The following ZEB1 variants were observed in gnomAD, a reference collection of about 807,000 sequenced individuals.
ZEB1 encodes the protein zinc finger E-box binding homeobox 1, also known as zinc finger E-box-binding homeobox 1.
A neutral mutation model predicts 84.9 loss-of-function variants in ZEB1; 21 were observed. The observed-to-expected ratio is 0.25, with a 90% CI of 0.18 to 0.36. The LOEUF (loss-of-function observed/expected upper bound fraction) is 0.36, where lower values mean the gene tolerates loss of function less well. Among genes scored for constraint, ZEB1 ranks in the 10% least tolerant of loss-of-function variants. The pLI, the probability that ZEB1 is intolerant of heterozygous loss-of-function variation, is 1.00. For synonymous variants in ZEB1, 420 were observed against 471.1 expected (o/e 0.89, Z 1.41); for missense variants, 1,104 against 1,330.2 (o/e 0.83, Z 2.65).
At position 31,520,361 on chromosome 10, in the gene ZEB1, T is replaced by C; in HGVS notation, c.1029T>C (p.Ser343=). 1 of 1,613,982 alleles carries C rather than the reference T, an allele frequency of 6.2e-7. No homozygotes were observed. Among genetic ancestry groups the C allele is most frequent in the Non-Finnish European group, 8.5e-7 (1 of 1,179,948 alleles). ...ATAAACCCCTTCAAGAACAACTTTC[T>C]GTTAACCAAATTAAAACTGAACCTG... ...IENKPLQEQL[S]VNQIKTEPVD... Residue 343 remains serine, a synonymous_variant, in exon 7 of 9, where the codon TCT becomes TCC. Coordinates refer to ENST00000424869, the MANE Select transcript of ZEB1 (RefSeq NM_001174096.2). The surrounding 1 kb of genome is among the most constrained non-coding windows in gnomAD (Gnocchi z 5.1).
intron 4 of ZEB1, among the ~76,000 whole-genome samples, chr10:31,507,482 T>A (rs543894313): frequency 7.4e-4 from 113 of 152,258 alleles, no homozygotes; most frequent in South Asian, 1.7e-3. Context: ...AATATTTGGT[T>A]ACTTTATAGT....
intron 1 of ZEB1, among the ~76,000 whole-genome samples, chr10:31,416,172 A>G (rs945948209): frequency 1.3e-5 from 2 of 152,078 alleles, no homozygotes; most frequent in Admixed American, 1.3e-4. Flanking sequence ...TATAGTTACA[A>G]AGACTATCGT....
At chr10:31,348,641 T>C (rs1209997190) in intron 1 of ZEB1, among the ~76,000 whole-genome samples, 2 of 152,086 alleles carry the variant, frequency 1.3e-5, no homozygotes, top group South Asian at 4.2e-4. Flanking sequence ...GACTTAGGGA[T>C]TTTCAAACCA....
At chr10:31,437,757 T>C (rs188829569) in intron 1 of ZEB1, among the ~76,000 whole-genome samples, 35 of 152,316 alleles carry the variant, frequency 2.3e-4, no homozygotes, top group African/African-American at 7.0e-4. Context: ...TCTTTTCACT[T>C]TTCCTATGAT....
intron 5 of ZEB1, among the ~76,000 whole-genome samples, chr10:31,513,130 C>T (rs931475707): frequency 2.0e-5 from 3 of 152,096 alleles, no homozygotes; most frequent in East Asian, 1.9e-4. Flanking sequence ...GAGACAAGAA[C>T]GGAAGCAGGG....
At chr10:31,428,108 G>C (rs1172422518) in intron 1 of ZEB1, among the ~76,000 whole-genome samples, 1 of 151,872 alleles carries the variant, frequency 6.6e-6, no homozygotes, top group African/African-American at 2.4e-5. Context: ...TCTTTTGCTA[G>C]CTTTGGGATT....
intron 1 of ZEB1, among the ~76,000 whole-genome samples, chr10:31,328,938 G>A (rs1028306563): frequency 2.0e-5 from 3 of 152,054 alleles, no homozygotes; most frequent in Non-Finnish European, 2.9e-5. Flanking sequence ...CTGTCTTACT[G>A]TGTTCCTATG....
intron 2 of ZEB1, among the ~76,000 whole-genome samples, chr10:31,479,839 TTAAAAA>T (rs2064804208): frequency 6.6e-6 from 1 of 151,960 alleles, no homozygotes; most frequent in Non-Finnish European, 1.5e-5. Context: ...ATGTTTGTTA[TTAAAAA>T]TAAAATTTAT....
At chr10:31,320,282 C>G (rs1047234467) in intron 1 of ZEB1, 1 of 152,288 alleles carries the variant, frequency 6.6e-6, no homozygotes, top group Non-Finnish European at 1.5e-5. Flanking sequence ...GGAGTTGTTA[C>G]CTGGGCTTAG....
chr10:31,516,539 TAAAAAAAAAAAAAAAAAAA>T lies in ZEB1; in HGVS notation c.793+1852_793+1870del, dbSNP rs71027029. On this transcript the variant is annotated intron_variant, in intron 6 of 8. Transcript: ENST00000424869. Reference sequence around the variant, plus strand: ...AACCAAGACCCAGGGTGTCTGTAAGTAAAAAAAAAAAAAAAAAAAAAAAAAAAAAAAAAAAAAAATCAGT... The same window carrying T: ...AACCAAGACCCAGGGTGTCTGTAAGTAAAAAAAAAAAAAAAAAAAATCAGT... 1.1e-3 allele frequency among the ~76,000 whole-genome samples: 39 copies of T among 34,030 alleles called. 1 individual carries two copies. The highest frequency in any genetic ancestry group is 2.5e-3 in the South Asian group (1 of 406). The allele number at this position is 34,030 out of a possible 152,430, so 22.3% of individuals were successfully genotyped here.
intron 1 of ZEB1, among the ~76,000 whole-genome samples, chr10:31,442,318 A>G (rs1384347199): frequency 6.6e-6 from 1 of 152,154 alleles, no homozygotes; most frequent in African/African-American, 2.4e-5. Flanking sequence ...ACAAAAAACC[A>G]AACACTGTAC....
At chr10:31,414,358 G>C (rs1475145997) in intron 1 of ZEB1, among the ~76,000 whole-genome samples, 1 of 152,132 alleles carries the variant, frequency 6.6e-6, no homozygotes, top group Non-Finnish European at 1.5e-5. Flanking sequence ...TTTTTGGTTT[G>C]TATGTATACA....
chr10:31,360,828 C>A, intron 1 of ZEB1: 1 of 724,288 alleles, frequency 1.4e-6, no homozygotes, highest in Non-Finnish European at 2.4e-6. Flanking sequence ...TAAAATCTCA[C>A]AGAGTTCTCA....
rs565025524 is a variant in ZEB1, at chr10:31,462,851, C to T, written c.259+1614C>T. 7.9e-5 allele frequency among the ~76,000 whole-genome samples: 12 copies of T among 151,998 alleles called. 1 individual carries two copies. The South Asian group carries it at 2.3e-3, about 29-fold the overall frequency. On this transcript the variant is annotated intron_variant, in intron 2 of 8. Coordinates refer to ENST00000424869, the MANE Select transcript of ZEB1 (RefSeq NM_001174096.2). ...CAACGAGACGGCTGTAATAATCAGG[C>T]AGTGTTAAGGGTTTTTGAGTTAAAG...
chr10:31,345,304 G>A (rs778410399), intron 1 of ZEB1, among the ~76,000 whole-genome samples: 1 of 152,040 alleles, frequency 6.6e-6, no homozygotes, highest in Non-Finnish European at 1.5e-5. Context: ...TGGCAGGGGC[G>A]GGGGTTGTAT....
chr10:31,413,749 A>G (rs1360796022), intron 1 of ZEB1, among the ~76,000 whole-genome samples: 2 of 152,198 alleles, frequency 1.3e-5, no homozygotes, highest in Admixed American at 6.5e-5. Flanking sequence ...TATTAAGAAT[A>G]TAGATACAGT....
chr10:31,520,910 G>C lies in ZEB1; in HGVS notation c.1578G>C (p.Gly526=), dbSNP rs1491000609. ...AGAAGGACAAAAGCTTTGAAGGGGG[G>C]GTGAATGATAGCACTTGTCTTCTGT... ...KSEKDKSFEG[G]VNDSTCLLCD... Residue 526 remains glycine (G), a synonymous_variant, in exon 7 of 9, where the codon GGG becomes GGC. Coordinates refer to ENST00000424869, the MANE Select transcript of ZEB1 (RefSeq NM_001174096.2). The surrounding 1 kb of genome is among the most constrained non-coding windows in gnomAD (Gnocchi z 5.1). 1 of 1,613,966 alleles carries C rather than the reference G, an allele frequency of 6.2e-7. No homozygotes were observed. The highest frequency in any genetic ancestry group is 8.5e-7 in the Non-Finnish European group (1 of 1,180,014).
intron 1 of ZEB1, among the ~76,000 whole-genome samples, chr10:31,413,316 T>C (rs1319644638): frequency 1.3e-5 from 2 of 152,226 alleles, no homozygotes. Context: ...TAAGCCCTTG[T>C]ATCTGCCAGA....
rs756408290 is a variant in ZEB1 at position 31,528,336 on chromosome 10, T to C, written c.*1072T>C. 1 of 152,244 alleles carries C rather than the reference T, an allele frequency of 6.6e-6. No homozygotes were observed. The highest frequency in any genetic ancestry group is 1.5e-5 in the Non-Finnish European group (1 of 68,038). 9.4% of individuals were successfully genotyped at this position (152,244 alleles called of 1,614,324 possible). On this transcript the variant is annotated 3_prime_UTR_variant, in exon 9 of 9. Transcript: ENST00000424869. ...TTCCTCGGTATTGATTTTATGTTGATTGATTTTCAGAATTTCTCTACAGAA... is the reference window on the plus strand; with the variant it reads ...TTCCTCGGTATTGATTTTATGTTGACTGATTTTCAGAATTTCTCTACAGAA...
Sources: gnomAD v4.1 joint callset for allele counts (sites outside exome capture counted in the v4.1 genomes callset) on GRCh38, gnomAD v4.1.1 for gene constraint, Gnocchi (gnomAD v3.1) non-coding constraint, MANE v1.5 for transcripts, NCBI Gene and HGNC (gene_info 2026-07-23, HGNC 2026-07-21) for gene names.